Variants in ATE1 observed in about 807,000 individuals in gnomAD.
ATE1 encodes the protein arginyl-tRNA--protein transferase 1.
In ATE1, 36 loss-of-function variants were observed where a neutral mutation model predicts 70.5. That is an observed-to-expected ratio of 0.51 (90% CI 0.39 to 0.67). The LOEUF (loss-of-function observed/expected upper bound fraction) is 0.67. Ranked by LOEUF, ATE1 falls within the 30% of genes least tolerant of loss-of-function variation. The pLI, the probability that ATE1 is intolerant of heterozygous loss-of-function variation, is 0.00. For missense variants in ATE1, 593 were observed against 629.5 expected, an observed-to-expected ratio of 0.94 and a Z score of 0.62; for synonymous variants, 232 against 219.3, an observed-to-expected ratio of 1.06 and a Z score of -0.51.
At chr10:121,917,995 A>G (rs886072232) in intron 3 of ATE1, among the ~76,000 whole-genome samples, 117 of 152,298 alleles carry the variant, frequency 7.7e-4, no homozygotes, top group African/African-American at 2.6e-3. Flanking sequence ...TGTTATATAC[A>G]AGGTAAAAAT....
chr10:121,809,842 G>T (rs977589408), intron 10 of ATE1, among the ~76,000 whole-genome samples: 1 of 151,784 alleles, frequency 6.6e-6, no homozygotes. Flanking sequence ...TCAGAGAATC[G>T]TGAGGGAAAC....
chr10:121,824,198 C>G (rs1947916115), intron 10 of ATE1, among the ~76,000 whole-genome samples: 1 of 152,182 alleles, frequency 6.6e-6, no homozygotes, highest in Non-Finnish European at 1.5e-5. Context: ...CACAGGACAT[C>G]TGACATCAAG....
intron 7 of ATE1, among the ~76,000 whole-genome samples, chr10:121,894,761 C>T (rs528510283): frequency 2.0e-5 from 3 of 151,956 alleles, no homozygotes; most frequent in South Asian, 4.2e-4. Context: ...ATTAGCCGGG[C>T]GTGGTGGCGG....
At chr10:121,758,316 T>A (rs1371508338) in intron 11 of ATE1, among the ~76,000 whole-genome samples, 1 of 152,206 alleles carries the variant, frequency 6.6e-6, no homozygotes. Flanking sequence ...CCTCTTTAGG[T>A]CACAAAGCCA....
intron 8 of ATE1, among the ~76,000 whole-genome samples, chr10:121,862,876 C>G (rs546236184): frequency 6.6e-6 from 1 of 152,068 alleles, no homozygotes; most frequent in African/African-American, 2.4e-5. Flanking sequence ...TGGCAACACC[C>G]GGAAGTTACT....
intron 7 of ATE1, among the ~76,000 whole-genome samples, chr10:121,895,528 C>T (rs138744977): frequency 2.3e-4 from 35 of 152,106 alleles, no homozygotes; most frequent in Middle Eastern, 3.4e-3. Context: ...GCAGGAGAAT[C>T]GCTTGAACCT....
chr10:121,794,701 A>G (rs1295086866), intron 10 of ATE1, among the ~76,000 whole-genome samples: 1 of 151,802 alleles, frequency 6.6e-6, no homozygotes, highest in Non-Finnish European at 1.5e-5. Context: ...TATCATCTCA[A>G]AAAACAACAT....
At chr10:121,806,695 T>C (rs1360334829) in intron 10 of ATE1, among the ~76,000 whole-genome samples, 3 of 152,168 alleles carry the variant, frequency 2.0e-5, no homozygotes, top group Admixed American at 1.3e-4. Context: ...TGAAATGTCT[T>C]GATGTTTGAA....
At chr10:121,884,243 A>G (rs1950312823) in intron 7 of ATE1, among the ~76,000 whole-genome samples, 2 of 151,436 alleles carry the variant, frequency 1.3e-5, no homozygotes, top group African/African-American at 4.9e-5. Flanking sequence ...AAATCCTTTC[A>G]CCTCCAATGT....
chr10:121,918,038 T>C (rs903737859), intron 3 of ATE1, among the ~76,000 whole-genome samples: 2 of 152,048 alleles, frequency 1.3e-5, no homozygotes, highest in Admixed American at 6.6e-5. Context: ...AATGACTCCA[T>C]AAAAAGATGA....
At chr10:121,781,972 C>T (rs1345543979) in intron 11 of ATE1, among the ~76,000 whole-genome samples, 1 of 152,148 alleles carries the variant, frequency 6.6e-6, no homozygotes, top group Non-Finnish European at 1.5e-5. Flanking sequence ...CATAAAAGAA[C>T]ACTATAAAAT....
chr10:121,865,012 C>T (rs1949613972), intron 8 of ATE1, among the ~76,000 whole-genome samples: 1 of 152,134 alleles, frequency 6.6e-6, no homozygotes, highest in Admixed American at 6.5e-5. Flanking sequence ...TAACTAATCA[C>T]GGTCTTCTTT....
intron 11 of ATE1, among the ~76,000 whole-genome samples, chr10:121,779,400 T>C (rs1291701241): frequency 1.3e-5 from 2 of 152,110 alleles, no homozygotes; most frequent in Non-Finnish European, 2.9e-5. Context: ...CTTACCTCTC[T>C]CCTCACCAGC....
chr10:121,858,103 G>A (rs939938959), intron 8 of ATE1, among the ~76,000 whole-genome samples: 2 of 152,072 alleles, frequency 1.3e-5, no homozygotes, highest in African/African-American at 4.8e-5. Context: ...GAATACTTGG[G>A]TTGCTTCTAC....
At chr10:121,877,844 G>A (rs1048142760) in intron 7 of ATE1, among the ~76,000 whole-genome samples, 4 of 152,194 alleles carry the variant, frequency 2.6e-5, no homozygotes, top group African/African-American at 9.7e-5. Flanking sequence ...TATAAATGCT[G>A]AAGATGTTTA....
intron 11 of ATE1, among the ~76,000 whole-genome samples, chr10:121,777,916 T>C (rs1276530792): frequency 6.6e-6 from 1 of 152,240 alleles, no homozygotes; most frequent in African/African-American, 2.4e-5. Flanking sequence ...CAGGATTTCA[T>C]AAACGCAAAC....
chr10:121,891,522 G>A (rs1338622483), intron 7 of ATE1, among the ~76,000 whole-genome samples: 1 of 152,264 alleles, frequency 6.6e-6, no homozygotes, highest in East Asian at 1.9e-4. Flanking sequence ...TTCTGTTAGA[G>A]AAGAAATGGT....
At chr10:121,802,124 C>A (rs1201922217) in intron 10 of ATE1, among the ~76,000 whole-genome samples, 5 of 152,086 alleles carry the variant, frequency 3.3e-5, no homozygotes, top group East Asian at 1.9e-4. Context: ...ATATCCACTG[C>A]GTGCAAATGG....
chr10:121,741,710 T>A lies in ATE1; in HGVS notation c.*1970A>T, dbSNP rs1004523429. The A allele has an allele frequency of 6.6e-6, 1 of 152,218 alleles. No individual in the cohort carries two copies. Among genetic ancestry groups the A allele is most frequent in the Non-Finnish European group, 1.5e-5 (1 of 68,032 alleles). The allele number at this position is 152,218 out of a possible 1,614,324, so 9.4% of individuals were successfully genotyped here. ...TTTTAATAATGCAGAGATTACTTACTACACTTTCTGAAGCCTTATTTTGAA... is the reference window on the plus strand; with the variant it reads ...TTTTAATAATGCAGAGATTACTTACAACACTTTCTGAAGCCTTATTTTGAA... On this transcript the variant is annotated 3_prime_UTR_variant, in exon 12 of 12. Coordinates refer to ENST00000224652, the MANE Select transcript of ATE1 (RefSeq NM_001001976.3).
Sources: allele counts gnomAD v4.1 joint callset (sites outside exome capture counted in the v4.1 genomes callset), GRCh38; gene constraint gnomAD v4.1.1; transcripts MANE v1.5; gene names NCBI Gene and HGNC (gene_info 2026-07-23, HGNC 2026-07-21).